Variants in ANXA11 observed in about 807,000 individuals in gnomAD.
ANXA11 encodes the protein 56 kDa autoantigen.
In ANXA11, 57 loss-of-function variants were observed where a neutral mutation model predicts 64.7. The ratio of observed to expected loss-of-function variants is 0.88; its 90% CI spans 0.71 to 1.10. The LOEUF is 1.10. Ranked by LOEUF, ANXA11 falls within the 50% of genes least tolerant of loss-of-function variation. The pLI, the probability that ANXA11 is intolerant of heterozygous loss-of-function variation, is 0.00. For synonymous variants in ANXA11, 260 were observed against 265.2 expected, an observed-to-expected ratio of 0.98 and a Z score of 0.19; for missense variants, 675 against 670.7, an observed-to-expected ratio of 1.01 and a Z score of -0.07.
At chr10:80,192,248 G>A (rs1846810511) in intron 1 of ANXA11, among the ~76,000 whole-genome samples, 2 of 152,156 alleles carry the variant, frequency 1.3e-5, no homozygotes, top group South Asian at 2.1e-4. Flanking sequence ...CACCGAAGGG[G>A]GAAGAGATGT....
At chr10:80,160,965 C>A (rs1478750233) in intron 12 of ANXA11, among the ~76,000 whole-genome samples, 1 of 152,134 alleles carries the variant, frequency 6.6e-6, no homozygotes, top group East Asian at 1.9e-4. Flanking sequence ...GAACCTGACA[C>A]CTCCTCACCA....
chr10:80,157,881 T>C (rs1048821917), intron 14 of ANXA11, 86 bp downstream of exon 14: 7 of 1,588,980 alleles, frequency 4.4e-6, no homozygotes, highest in Non-Finnish European at 6.0e-6. Flanking sequence ...GATTTAGCTC[T>C]CCCCAGGCCT....
intron 1 of ANXA11, among the ~76,000 whole-genome samples, chr10:80,190,196 G>A (rs576814355): frequency 6.6e-6 from 1 of 152,328 alleles, no homozygotes; most frequent in East Asian, 1.9e-4. Context: ...CGTAATGACT[G>A]TTGCACAACG....
intron 1 of ANXA11, among the ~76,000 whole-genome samples, chr10:80,176,667 A>T (rs1846179803): frequency 6.6e-6 from 1 of 152,186 alleles, no homozygotes; most frequent in Non-Finnish European, 1.5e-5. Context: ...GAACACACAC[A>T]GGGTCCATTC....
At chr10:80,163,253 A>G (rs1845585343) in intron 11 of ANXA11, 96 bp downstream of exon 11, 1 of 1,381,516 alleles carries the variant, frequency 7.2e-7, no homozygotes, top group Non-Finnish European at 1.0e-6. Flanking sequence ...CTGCTTATCT[A>G]TTGTTCTTTC....
At chr10:80,173,820 A>C (rs1039150404) in intron 2 of ANXA11, among the ~76,000 whole-genome samples, 2 of 152,130 alleles carry the variant, frequency 1.3e-5, no homozygotes, top group Non-Finnish European at 2.9e-5. Context: ...CTTTTTACAC[A>C]CTGGGTTTCA....
intron 2 of ANXA11, among the ~76,000 whole-genome samples, chr10:80,173,629 A>C (rs1039729553): frequency 2.0e-5 from 3 of 152,212 alleles, no homozygotes; most frequent in Admixed American, 1.3e-4. Context: ...GTCCCCTGCC[A>C]GTTAAATTGT....
At chr10:80,183,365 G>C (rs554543780) in intron 1 of ANXA11, among the ~76,000 whole-genome samples, 1 of 152,332 alleles carries the variant, frequency 6.6e-6, no homozygotes, top group East Asian at 1.9e-4. Context: ...CAAAACCAGG[G>C]GCAACCCTTT....
At chr10:80,201,439 C>A (rs140054632) in intron 1 of ANXA11, among the ~76,000 whole-genome samples, 1 of 152,128 alleles carries the variant, frequency 6.6e-6, no homozygotes, top group African/African-American at 2.4e-5. Context: ...CTAGCCAAGA[C>A]GCCTCCTGAG....
At chr10:80,181,523 T>C (rs907035778) in intron 1 of ANXA11, 1 of 151,402 alleles carries the variant, frequency 6.6e-6, no homozygotes, top group African/African-American at 2.4e-5. Flanking sequence ...AGCCATAGAA[T>C]GGGAGAAAAT....
At chr10:80,169,675 C>T (rs756039554) in intron 4 of ANXA11, among the ~76,000 whole-genome samples, 3 of 152,146 alleles carry the variant, frequency 2.0e-5, no homozygotes, top group Non-Finnish European at 2.9e-5. Flanking sequence ...CAAGAAGGTG[C>T]GTGGGTCCCA....
chr10:80,173,269 G>A lies in ANXA11; in HGVS notation c.-8-400C>T, dbSNP rs59263243. On this transcript the variant is annotated intron_variant, in intron 2 of 15. Transcript: ENST00000422982. ...GCCTCATTCTCAGGACTCCAGGTCTGTCTATTTATCTTCCTGTGTCCTTAT... is the reference window on the plus strand; with the variant it reads ...GCCTCATTCTCAGGACTCCAGGTCTATCTATTTATCTTCCTGTGTCCTTAT... 1.8e-3 allele frequency among the ~76,000 whole-genome samples: 270 copies of A among 152,240 alleles called. 2 individuals are homozygous for A. The highest frequency in any genetic ancestry group is 6.2e-3 in the African/African-American group (256 of 41,574).
At chr10:80,197,939 A>AC (rs1167321732) in intron 1 of ANXA11, among the ~76,000 whole-genome samples, 2 of 151,738 alleles carry the variant, frequency 1.3e-5, no homozygotes, top group Admixed American at 6.6e-5. Flanking sequence ...AAAAAAAATA[A>AC]CCCCTATCCC....
intron 13 of ANXA11, 108 bp from the exon 14 acceptor site, chr10:80,158,133 C>T (rs1182287185): frequency 7.4e-6 from 7 of 950,332 alleles, no homozygotes; most frequent in Non-Finnish European, 1.2e-5. Context: ...AAACCCATCA[C>T]TGCATCCATC....
intron 1 of ANXA11, among the ~76,000 whole-genome samples, chr10:80,190,917 C>G (rs1846747690): frequency 6.6e-6 from 1 of 151,776 alleles, no homozygotes; most frequent in African/African-American, 2.4e-5. Context: ...ATAGTGAGAC[C>G]CTGTCTCTAC....
chr10:80,158,280 C>A (rs1310801018), intron 13 of ANXA11, among the ~76,000 whole-genome samples: 1 of 152,154 alleles, frequency 6.6e-6, no homozygotes, highest in Non-Finnish European at 1.5e-5. Context: ...GACCAAGAGT[C>A]AGAGGGGCGG....
At chr10:80,168,518 T>C (rs922200774) in intron 5 of ANXA11, among the ~76,000 whole-genome samples, 9 of 151,960 alleles carry the variant, frequency 5.9e-5, no homozygotes, top group African/African-American at 1.7e-4. Context: ...CGCTCTTTGT[T>C]TGTCTTTTTT....
rs1369388810 is a variant in ANXA11, at chr10:80,151,774, C to T, written c.*4079G>A. ...CCTGCCCTCTGGAGGAACACCTCTA[C>T]TTTTGCGGTGTTCTCTGTGTGAGCA... On this transcript the variant is annotated 3_prime_UTR_variant, in exon 16 of 16. Coordinates refer to ENST00000422982, the MANE Select transcript of ANXA11 (RefSeq NM_145868.2). 2 of 152,222 alleles carry T rather than the reference C, an allele frequency of 1.3e-5. No individual in the cohort carries two copies. The highest frequency in any genetic ancestry group is 2.9e-5 in the Non-Finnish European group (2 of 68,050). The allele number at this position is 152,222 out of a possible 1,614,324, so 9.4% of individuals were successfully genotyped here.
chr10:80,180,629 T>C (rs1846319937), intron 1 of ANXA11, among the ~76,000 whole-genome samples: 1 of 146,064 alleles, frequency 6.8e-6, no homozygotes, highest in African/African-American at 2.5e-5. Flanking sequence ...GGCTGGAATA[T>C]TGATTTGTAT....
Sources: gnomAD v4.1 joint callset for allele counts (sites outside exome capture counted in the v4.1 genomes callset) on GRCh38, gnomAD v4.1.1 for gene constraint, MANE v1.5 for transcripts, NCBI Gene and HGNC (gene_info 2026-07-23, HGNC 2026-07-21) for gene names.